Variants in NRXN1 observed in about 807,000 individuals in gnomAD.
The protein encoded by NRXN1 is neurexin-1.
In NRXN1, 39 loss-of-function variants were observed where a neutral mutation model predicts 150.9. That is an observed-to-expected ratio of 0.26 (90% CI 0.20 to 0.34). NRXN1 has a LOEUF of 0.34. Among genes scored for constraint, NRXN1 ranks in the 10% least tolerant of loss-of-function variants. The pLI, the probability that NRXN1 is intolerant of heterozygous loss-of-function variation, is 1.00. For missense variants in NRXN1, 1,815 were observed against 1,949.9 expected (o/e 0.93, Z 1.30); for synonymous variants, 924 against 757.0 (o/e 1.22, Z -3.62).
chr2:50,436,961 C>G (rs1036615822), intron 17 of NRXN1, among the ~76,000 whole-genome samples: 6 of 152,020 alleles, frequency 3.9e-5, no homozygotes, highest in African/African-American at 1.5e-4. Context: ...TCTACAGTAT[C>G]CAAACTGTAG....
At chr2:50,999,437 G>C (rs1176211979) in intron 2 of NRXN1, among the ~76,000 whole-genome samples, 2 of 151,868 alleles carry the variant, frequency 1.3e-5, no homozygotes, top group Non-Finnish European at 2.9e-5. Context: ...GGAGTAAAAG[G>C]GAAAAGGAGC....
chr2:50,608,351 T>G (rs1677472000), intron 8 of NRXN1, among the ~76,000 whole-genome samples: 1 of 152,180 alleles, frequency 6.6e-6, no homozygotes, highest in Non-Finnish European at 1.5e-5. Flanking sequence ...TACTAAAATG[T>G]AGACTCTTTC....
chr2:50,878,150 G>A (rs1053227628), intron 5 of NRXN1, among the ~76,000 whole-genome samples: 12 of 151,894 alleles, frequency 7.9e-5, no homozygotes, highest in African/African-American at 2.9e-4. Flanking sequence ...GCCTGAAAAC[G>A]AGGAGAATTA....
rs184375635 is a variant in NRXN1, at chr2:50,407,047, C to A, written c.3364+58395G>T. Among the ~76,000 whole-genome samples, 9 of 152,232 alleles carry A rather than the reference C, an allele frequency of 5.9e-5. No individual in the cohort carries two copies. In the East Asian group the frequency reaches 1.7e-3, roughly 29 times the overall value. ...AAATTGAAAAGGAAGAAATTTCCTACAGACTCATGATAAACTTATTGATAG... is the reference window on the plus strand; with the variant it reads ...AAATTGAAAAGGAAGAAATTTCCTAAAGACTCATGATAAACTTATTGATAG... On this transcript the variant is annotated intron_variant, in intron 17 of 22. Coordinates refer to ENST00000401669, the MANE Select transcript of NRXN1 (RefSeq NM_001330078.2).
At chr2:50,085,904 G>T (rs561846981) in intron 19 of NRXN1, among the ~76,000 whole-genome samples, 1 of 152,216 alleles carries the variant, frequency 6.6e-6, no homozygotes, top group Non-Finnish European at 1.5e-5. Context: ...AATGATCTTT[G>T]TATATTTTAC....
chr2:50,570,332 A>G (rs1382217325), intron 8 of NRXN1, among the ~76,000 whole-genome samples: 4 of 152,152 alleles, frequency 2.6e-5, no homozygotes, highest in African/African-American at 9.7e-5. Context: ...GCTACACAAA[A>G]TGGTGGGCAT....
At chr2:50,780,920 A>T (rs1001246413) in intron 5 of NRXN1, among the ~76,000 whole-genome samples, 8 of 152,120 alleles carry the variant, frequency 5.3e-5, no homozygotes, top group Admixed American at 4.6e-4. Context: ...ACACATTCTT[A>T]GGTTTAGGTG....
chr2:50,625,729 T>C (rs555881878), intron 5 of NRXN1, among the ~76,000 whole-genome samples: 3 of 152,208 alleles, frequency 2.0e-5, no homozygotes, highest in East Asian at 1.9e-4. Flanking sequence ...AGAACAATTA[T>C]TTGCTTTTCA....
chr2:50,952,950 T>C (rs1036970280), intron 2 of NRXN1, among the ~76,000 whole-genome samples: 10 of 152,168 alleles, frequency 6.6e-5, no homozygotes, highest in East Asian at 1.9e-4. Flanking sequence ...TTGTGCTCCA[T>C]TGTGTCCCCA....
chr2:50,161,364 A>G (rs1460879051), intron 18 of NRXN1, among the ~76,000 whole-genome samples: 1 of 152,184 alleles, frequency 6.6e-6, no homozygotes, highest in Non-Finnish European at 1.5e-5. Context: ...ATTTGGCTCC[A>G]AACTAACACA....
intron 17 of NRXN1, among the ~76,000 whole-genome samples, chr2:50,403,210 G>C (rs922450111): frequency 6.6e-6 from 1 of 152,082 alleles, no homozygotes; most frequent in Non-Finnish European, 1.5e-5. Flanking sequence ...TATACTTAGA[G>C]AGGTCTCTAC....
intron 5 of NRXN1, among the ~76,000 whole-genome samples, chr2:50,804,942 C>G (rs564388588): frequency 6.6e-6 from 1 of 152,094 alleles, no homozygotes; most frequent in East Asian, 1.9e-4. Context: ...TAAGAAGAAG[C>G]AGTACAGTAT....
intron 21 of NRXN1, among the ~76,000 whole-genome samples, chr2:50,032,362 T>A (rs1002432291): frequency 6.6e-6 from 1 of 152,056 alleles, no homozygotes; most frequent in Non-Finnish European, 1.5e-5. Context: ...GTGGCAGTAT[T>A]CAAGATTAAT....
chr2:50,281,411 T>TG (rs2152933204), intron 17 of NRXN1, among the ~76,000 whole-genome samples: 1 of 152,198 alleles, frequency 6.6e-6, no homozygotes, highest in Non-Finnish European at 1.5e-5. Flanking sequence ...GAATGTGCTA[T>TG]GGAGAGCCTT....
At chr2:50,924,524 A>C (rs1002212447) in intron 3 of NRXN1, among the ~76,000 whole-genome samples, 5 of 151,708 alleles carry the variant, frequency 3.3e-5, no homozygotes, top group Admixed American at 6.6e-5. Context: ...AAAGAAGTTG[A>C]AAAGATACCT....
At chr2:50,911,507 C>T (rs1684520696) in intron 5 of NRXN1, among the ~76,000 whole-genome samples, 1 of 151,810 alleles carries the variant, frequency 6.6e-6, no homozygotes, top group Non-Finnish European at 1.5e-5. Context: ...AAATTTCTAC[C>T]CCAATAAAGC....
chr2:50,442,447 A>T (rs938975375), intron 17 of NRXN1, among the ~76,000 whole-genome samples: 18 of 152,182 alleles, frequency 1.2e-4, no homozygotes, highest in Admixed American at 1.2e-3. Flanking sequence ...GTTTCAAGTT[A>T]TTCAGATTAT....
intron 21 of NRXN1, among the ~76,000 whole-genome samples, chr2:50,016,972 A>C (rs1422083831): frequency 6.6e-6 from 1 of 152,152 alleles, no homozygotes; most frequent in Non-Finnish European, 1.5e-5. Context: ...GATGAGTCTG[A>C]CAAAGCCCAT....
At chr2:50,340,018 C>T (rs1294289665) in intron 17 of NRXN1, among the ~76,000 whole-genome samples, 1 of 152,142 alleles carries the variant, frequency 6.6e-6, no homozygotes, top group Non-Finnish European at 1.5e-5. Flanking sequence ...TTCCAAAACC[C>T]TGCCTTTTAT....
Sources: gnomAD v4.1 joint callset for allele counts (sites outside exome capture counted in the v4.1 genomes callset) on GRCh38, gnomAD v4.1.1 for gene constraint, MANE v1.5 for transcripts, NCBI Gene and HGNC (gene_info 2026-07-23, HGNC 2026-07-21) for gene names.